The following MARCO variants were observed in gnomAD, a reference collection of about 807,000 sequenced individuals.
The protein encoded by MARCO is macrophage receptor MARCO.
In MARCO, 72 loss-of-function variants were observed where a neutral mutation model predicts 70.0. The ratio of observed to expected loss-of-function variants is 1.03; its 90% CI spans 0.85 to 1.25. The LOEUF is 1.25. Ranked by LOEUF, MARCO falls within the 50% of genes most tolerant of loss-of-function variation. The probability of loss-of-function intolerance (pLI) is 0.00; values close to 1 mark genes in which losing one functional copy is unlikely to be tolerated. For missense variants in MARCO, 696 were observed against 659.3 expected (o/e 1.06, Z -0.61); for synonymous variants, 273 against 243.1 (o/e 1.12, Z -1.14).
Position 118,954,444 on chromosome 2 carries a change from T to A in MARCO, c.97+12047T>A, listed in dbSNP as rs527638523. ...CCGAAGGAGACTCTGAGATCATACA[T>A]GCCTAGTCCCACCCCTGGACCTGAT... is the stretch of plus-strand genomic sequence containing the variant. On this transcript the variant is annotated intron_variant, in intron 1 of 16. Coordinates refer to ENST00000327097, the MANE Select transcript of MARCO (RefSeq NM_006770.4). Among the ~76,000 whole-genome samples the A allele has an allele frequency of 2.0e-5, 3 of 152,266 alleles. No individual in the cohort carries two copies. In the South Asian group the frequency reaches 6.2e-4, roughly 32 times the overall value.
chr2:118,954,914 A>G (rs907117882), intron 1 of MARCO, among the ~76,000 whole-genome samples: 3 of 152,108 alleles, frequency 2.0e-5, no homozygotes, highest in Non-Finnish European at 4.4e-5. Flanking sequence ...AAAAATCTGA[A>G]CAGCAATCTT....
intron 3 of MARCO, among the ~76,000 whole-genome samples, chr2:118,970,915 C>T (rs1259808649): frequency 6.6e-6 from 1 of 152,214 alleles, no homozygotes; most frequent in Non-Finnish European, 1.5e-5. Context: ...GAGCTCCAGC[C>T]CCAGCAGGGT....
intron 1 of MARCO, among the ~76,000 whole-genome samples, chr2:118,958,772 G>A (rs559503349): frequency 5.5e-4 from 83 of 152,264 alleles, no homozygotes; most frequent in African/African-American, 2.0e-3. Flanking sequence ...TAAGGCCACA[G>A]TCACCAAAAC....
At chr2:118,953,749 C>T (rs998002783) in intron 1 of MARCO, among the ~76,000 whole-genome samples, 10 of 152,160 alleles carry the variant, frequency 6.6e-5, no homozygotes, top group Admixed American at 5.2e-4. Flanking sequence ...GTGCCCCAGC[C>T]GTGTAAGTGG....
At position 118,994,532 on chromosome 2, in the gene MARCO, T is replaced by A. The variant is rs1372471163; in HGVS notation, c.*12T>A. ...AGTGCAGCGTCTGACCCGGAAACCC[T>A]TTCACTTCTCTGCTCCCGAGGTGTC... is the stretch of plus-strand genomic sequence containing the variant. On this transcript the variant is annotated 3_prime_UTR_variant, in exon 17 of 17. Coordinates refer to ENST00000327097, the MANE Select transcript of MARCO (RefSeq NM_006770.4). 1 of 1,566,084 alleles carries A rather than the reference T, an allele frequency of 6.4e-7. No homozygotes were observed. Among genetic ancestry groups the A allele is most frequent in the Admixed American group, 1.9e-5 (1 of 53,594 alleles).
intron 12 of MARCO, among the ~76,000 whole-genome samples, chr2:118,983,022 C>T (rs1000991698): frequency 5.9e-5 from 9 of 152,228 alleles, no homozygotes; most frequent in Admixed American, 5.9e-4. Flanking sequence ...GTCCAGACCA[C>T]TATCACAATG....
At position 118,981,451 on chromosome 2, in the gene MARCO, T is replaced by G. The variant is rs1204906459; in HGVS notation, c.809T>G (p.Met270Arg). ...DRGMKGDAGVMGPPGAQGSKG... is the reference protein window; with the variant it reads ...DRGMKGDAGVRGPPGAQGSKG... ...GGCATGAAAGGAGATGCAGGGGTCA[T>G]GGGGCCTCCTGGAGCCCAGGGGAGT... Residue 270 changes from methionine to arginine, a missense_variant, in exon 9 of 17, where the codon ATG (methionine) becomes AGG (arginine). Met to Arg is a moderately conservative substitution (Grantham distance 91). Transcript: ENST00000327097. 49 of 1,596,486 alleles carry G rather than the reference T, an allele frequency of 3.1e-5. No individual in the cohort carries two copies. The Admixed American group carries it at 9.1e-4, about 30-fold the overall frequency.
chr2:118,942,440 G>A (rs772051483), intron 1 of MARCO, 43 bp downstream of exon 1: 15 of 1,445,422 alleles, frequency 1.0e-5, no homozygotes, highest in South Asian at 2.3e-5. Flanking sequence ...CAGAAATGTA[G>A]TCTTTCTGCT....
chr2:118,987,519 A>C (rs1484665563), intron 12 of MARCO, among the ~76,000 whole-genome samples: 1 of 152,182 alleles, frequency 6.6e-6, no homozygotes, highest in East Asian at 1.9e-4. Flanking sequence ...TCAAGGTCCA[A>C]CCTCTGCTAT....
In MARCO at chr2:118,988,798, A is replaced by G. The variant is rs753757636; in HGVS notation, c.1064-1791A>G. On this transcript the variant is annotated intron_variant, in intron 12 of 16. Transcript: ENST00000327097. The stretch of plus-strand genomic sequence containing the variant: ...GACATTTTCTGGGTGCTAGCTGTGC[A>G]GCAATCCTGGTGCTCATGTGTGGAC... 1.2e-3 allele frequency among the ~76,000 whole-genome samples: 177 copies of G among 152,142 alleles called. 1 individual carries two copies. Among genetic ancestry groups the G allele is most frequent in the Non-Finnish European group, 2.0e-3 (136 of 68,020 alleles).
chr2:118,957,780 A>G (rs1328439608), intron 1 of MARCO, among the ~76,000 whole-genome samples: 4 of 151,716 alleles, frequency 2.6e-5, no homozygotes, highest in African/African-American at 9.7e-5. Context: ...GTTATGGTGG[A>G]TATCATAAAG....
At chr2:118,988,407 A>G (rs1279581005) in intron 12 of MARCO, among the ~76,000 whole-genome samples, 4 of 151,972 alleles carry the variant, frequency 2.6e-5, no homozygotes, top group Non-Finnish European at 5.9e-5. Context: ...ACTTACCTGC[A>G]TGTGAACAGC....
chr2:118,988,643 C>T (rs1277549117), intron 12 of MARCO, among the ~76,000 whole-genome samples: 2 of 152,098 alleles, frequency 1.3e-5, no homozygotes, highest in Non-Finnish European at 2.9e-5. Flanking sequence ...TCATCACCAT[C>T]ATAGACATAC....
intron 12 of MARCO, among the ~76,000 whole-genome samples, chr2:118,990,256 C>T (rs1374784241): frequency 6.6e-6 from 1 of 152,164 alleles, no homozygotes; most frequent in African/African-American, 2.4e-5. Context: ...CAATTCTCTT[C>T]CAATATAAAT....
At chr2:118,951,778 T>C (rs1679726627) in intron 1 of MARCO, among the ~76,000 whole-genome samples, 1 of 152,190 alleles carries the variant, frequency 6.6e-6, no homozygotes, top group Non-Finnish European at 1.5e-5. Context: ...TCTTTACTAC[T>C]TCCATCTCTC....
chr2:118,965,157 T>C (rs1680021347), intron 1 of MARCO, among the ~76,000 whole-genome samples: 1 of 152,204 alleles, frequency 6.6e-6, no homozygotes, highest in African/African-American at 2.4e-5. Context: ...CCTCACACTT[T>C]TTCTAGGAAT....
intron 1 of MARCO, among the ~76,000 whole-genome samples, chr2:118,954,262 G>A (rs1679785174): frequency 6.6e-6 from 1 of 152,134 alleles, no homozygotes; most frequent in Non-Finnish European, 1.5e-5. Context: ...CCTTTGGTTT[G>A]TGTGGGAGCT....
At position 118,974,354 on chromosome 2, in the gene MARCO, C is replaced by A; in HGVS notation, c.482C>A (p.Ala161Asp). 1 of 1,603,646 alleles carries A rather than the reference C, an allele frequency of 6.2e-7. No homozygotes were observed. Among genetic ancestry groups the A allele is most frequent in the Admixed American group, 1.7e-5 (1 of 58,584 alleles). Reference protein sequence around the residue: ...GAPGLQGHKGAMGMPGAPGPP... With the variant: ...GAPGLQGHKGDMGMPGAPGPP... ...TCAGGTCTTCAAGGTCACAAGGGGG[C>A]CATGGGCATGCCTGGTGCCCCTGGC... is the stretch of plus-strand genomic sequence containing the variant. The change falls in exon 5 of 17, where the codon GCC becomes GAC. Residue 161 changes from alanine (A) to aspartate (D), a missense_variant. Ala to Asp is a moderately radical substitution (Grantham distance 126). Transcript: ENST00000327097.
chr2:118,955,817 C>T (rs1436708518), intron 1 of MARCO, among the ~76,000 whole-genome samples: 1 of 152,174 alleles, frequency 6.6e-6, no homozygotes, highest in Non-Finnish European at 1.5e-5. Context: ...TCAAGCAAAA[C>T]AATTATCAGC....
Sources: allele counts gnomAD v4.1 joint callset (sites outside exome capture counted in the v4.1 genomes callset), GRCh38; gene constraint gnomAD v4.1.1; transcripts MANE v1.5; gene names NCBI Gene and HGNC (gene_info 2026-07-23, HGNC 2026-07-21).